ZBTB44: variants seen among roughly 807,000 people sequenced by gnomAD.
The protein encoded by ZBTB44 is zinc finger and BTB domain containing 44.
A neutral mutation model predicts 54.0 loss-of-function variants in ZBTB44; 15 were observed. That is an observed-to-expected ratio of 0.28 (90% confidence interval 0.19 to 0.43). ZBTB44 has a LOEUF of 0.43. Ranked by LOEUF, ZBTB44 falls within the 20% of genes least tolerant of loss-of-function variation. ZBTB44 has a pLI of 1.00. For synonymous variants in ZBTB44, 230 were observed against 250.1 expected (o/e 0.92, Z 0.76); for missense variants, 487 against 707.1 (o/e 0.69, Z 3.53).
At position 130,234,217 on chromosome 11, in the gene ZBTB44, T is replaced by C. The variant is rs536969068; in HGVS notation, c.1625A>G (p.Tyr542Cys). The C allele has an allele frequency of 6.5e-7, 1 of 1,527,986 alleles. No homozygotes were observed. Among genetic ancestry groups the C allele is most frequent in the African/African-American group, 1.4e-5 (1 of 71,608 alleles). 94.7% of individuals were successfully genotyped at this position (1,527,986 alleles called of 1,614,324 possible). A position where few individuals can be genotyped will look rare whatever the true frequency, so the allele number is the denominator to read the frequency against. Reference protein sequence around the residue: ...NQEQEETLVQYDLGEHGFESN... With the variant: ...NQEQEETLVQCDLGEHGFESN... ...TTCAAAACCGTGTTCTCCAAGATCA[T>C]ATTGAACAAGGGTCTCTTCTTGTTC... The change falls in exon 6 of 8, where the codon TAT becomes TGT. Residue 542 changes from tyrosine (Y) to cysteine (C), a missense_variant. Around this residue, in one of 3 missense-constraint regions of ZBTB44, gnomAD observed 120 missense variants for 240.3 expected, o/e 0.50. Coordinates refer to ENST00000357899, the MANE Select transcript of ZBTB44 (RefSeq NM_001301098.2).
Position 130,261,700 on chromosome 11 carries a change from G to C in ZBTB44, c.174C>G (p.Thr58=), listed in dbSNP as rs368154096. The change falls in exon 2 of 8, where the codon ACC becomes ACG. Residue 58 remains threonine (T), a synonymous_variant. Transcript: ENST00000357899. This position sits in a 1 kb window ranked among gnomAD's most constrained non-coding sequence, Gnocchi z 4.8. ...VLAACSDFFR[T]KLVGQAEDEN... is the part of the protein sequence containing the mutation. ...CATCCTCGGCTTGGCCTACAAGTTT[G>C]GTGCGAAAGAAATCACTGCAAGCTG... 3.7e-5 allele frequency: 60 copies of C among 1,613,992 alleles called. No individual in the cohort carries two copies. The African/African-American group carries it at 6.4e-4, about 17-fold the overall frequency.
In ZBTB44 at chr11:130,294,763, G is replaced by A. The variant is rs116578626; in HGVS notation, c.-57+19612C>T. ...CGGTAGGCAAAACAGGTTAATCAGA[G>A]TACTTAAGGGATATCTGCTATTCAC... On this transcript the variant is annotated intron_variant, in intron 1 of 7. Coordinates refer to ENST00000357899, the MANE Select transcript of ZBTB44 (RefSeq NM_001301098.2). Among the ~76,000 whole-genome samples, 1,339 of 152,192 alleles carry A rather than the reference G, an allele frequency of 8.8e-3. 18 individuals carry two copies. The highest frequency in any genetic ancestry group is 0.031 in the African/African-American group (1,293 of 41,520).
intron 1 of ZBTB44, chr11:130,295,838 C>A: frequency 7.2e-7 from 1 of 1,383,870 alleles, no homozygotes; most frequent in Non-Finnish European, 1.0e-6. Flanking sequence ...AGAGAATTAG[C>A]CATGCAAATT....
intron 5 of ZBTB44, chr11:130,236,073 C>A: frequency 8.3e-7 from 1 of 1,208,820 alleles, no homozygotes; most frequent in Non-Finnish European, 1.1e-6. Context: ...AGTTTTATAT[C>A]TAGAGAAGGC....
At chr11:130,258,485 T>A (rs929709646) in intron 2 of ZBTB44, among the ~76,000 whole-genome samples, 4 of 152,156 alleles carry the variant, frequency 2.6e-5, no homozygotes, top group Admixed American at 2.6e-4. Flanking sequence ...CATGTTTTTG[T>A]TTTTATCCCT....
Position 130,228,687 on chromosome 11 carries a change from T to C in ZBTB44, c.*3077A>G, listed in dbSNP as rs977787931. 3 of 152,162 alleles carry C rather than the reference T, an allele frequency of 2.0e-5. No individual in the cohort carries two copies. The highest frequency in any genetic ancestry group is 7.2e-5 in the African/African-American group (3 of 41,444). 9.4% of individuals were successfully genotyped at this position (152,162 alleles called of 1,614,324 possible). A position where few individuals can be genotyped will look rare whatever the true frequency, so the allele number is the denominator to read the frequency against. ...TGTACTTTGGTAACCTCAACATTCA[T>C]TTATGGGATGATTTTTCATCTGTTT... is the stretch of plus-strand genomic sequence containing the variant. On this transcript the variant is annotated 3_prime_UTR_variant, in exon 8 of 8. Coordinates refer to ENST00000357899, the MANE Select transcript of ZBTB44 (RefSeq NM_001301098.2).
chr11:130,283,626 T>C (rs1011211906), intron 1 of ZBTB44, among the ~76,000 whole-genome samples: 3 of 152,144 alleles, frequency 2.0e-5, no homozygotes, highest in Admixed American at 2.0e-4. Flanking sequence ...AAATTAAGCT[T>C]TATTCGACAA....
rs959998964 is a variant in ZBTB44, at chr11:130,231,321, C to T, written c.*443G>A. ...GTACCCTCACTGAAATAGAAAAAGG[C>T]CTTTATTTGTATCATTTTATGTTAA... is the stretch of plus-strand genomic sequence containing the variant. On this transcript the variant is annotated 3_prime_UTR_variant, in exon 8 of 8. Transcript: ENST00000357899. The T allele has an allele frequency of 6.6e-6, 1 of 151,908 alleles. No individual in the cohort carries two copies. The highest frequency in any genetic ancestry group is 2.4e-5 in the African/African-American group (1 of 41,366). The allele number at this position is 151,908 out of a possible 1,614,324, so 9.4% of individuals were successfully genotyped here.
chr11:130,266,093 G>A (rs1327642590), intron 1 of ZBTB44, among the ~76,000 whole-genome samples: 1 of 152,212 alleles, frequency 6.6e-6, no homozygotes, highest in African/African-American at 2.4e-5. Context: ...AGGACGGGAT[G>A]CCTCTCTTGT....
In ZBTB44 at chr11:130,276,242, A is replaced by AAAAAAAAAAAAAAAAAAAAAAAAAG. The variant is rs59112840; in HGVS notation, c.-56-14314_-56-14313insCTTTTTTTTTTTTTTTTTTTTTTTT. On this transcript the variant is annotated intron_variant, in intron 1 of 7. Coordinates refer to ENST00000357899, the MANE Select transcript of ZBTB44 (RefSeq NM_001301098.2). Reference sequence around the variant, plus strand: ...CGTGAAACTCTGTCTCAAAAAAAAAAAAAAGAAAAAAGAAATCAGAGGTTT... The same window carrying AAAAAAAAAAAAAAAAAAAAAAAAAG: ...CGTGAAACTCTGTCTCAAAAAAAAAAAAAAAAAAAAAAAAAAAAAAAAAAGAAAAGAAAAAAGAAATCAGAGGTTT... 4.7e-4 allele frequency among the ~76,000 whole-genome samples: 44 copies of AAAAAAAAAAAAAAAAAAAAAAAAAG among 94,420 alleles called. 1 individual carries two copies. The highest frequency in any genetic ancestry group is 1.4e-3 in the African/African-American group (38 of 27,420). The allele number at this position is 94,420 out of a possible 152,430, so 61.9% of individuals were successfully genotyped here. A position where few individuals can be genotyped will look rare whatever the true frequency, so the allele number is the denominator to read the frequency against.
rs756937241 is a variant in ZBTB44, at chr11:130,238,420, C to T, written c.1267+24G>A. On this transcript the variant is annotated intron_variant, in intron 4 of 7. Transcript: ENST00000357899. ...AAATGTTTTAGAGCGTTCACTTACG[C>T]ACCAACAGGGAAGGTGACATTACCT... 4 of 1,592,470 alleles carry T rather than the reference C, an allele frequency of 2.5e-6. No individual in the cohort carries two copies. In the South Asian group the frequency reaches 4.6e-5, roughly 18 times the overall value.
At position 130,228,635 on chromosome 11, in the gene ZBTB44, G is replaced by A. The variant is rs914049979; in HGVS notation, c.*3129C>T. On this transcript the variant is annotated 3_prime_UTR_variant, in exon 8 of 8. Coordinates refer to ENST00000357899, the MANE Select transcript of ZBTB44 (RefSeq NM_001301098.2). ...AGATGACAGGGCTCCCTTAAAGCAG[G>A]AAGATTTATCCTTCCTCAGCAGGTG... is the stretch of plus-strand genomic sequence containing the variant. 1 of 152,160 alleles carries A rather than the reference G, an allele frequency of 6.6e-6. No individual in the cohort carries two copies. Among genetic ancestry groups the A allele is most frequent in the Non-Finnish European group, 1.5e-5 (1 of 68,032 alleles). The allele number at this position is 152,160 out of a possible 1,614,324, so 9.4% of individuals were successfully genotyped here.
In ZBTB44 at chr11:130,309,541, C is replaced by A. The variant is rs538538181; in HGVS notation, c.-57+4834G>T. Among the ~76,000 whole-genome samples, 3 of 152,296 alleles carry A rather than the reference C, an allele frequency of 2.0e-5. No individual in the cohort carries two copies. In the South Asian group the frequency reaches 6.2e-4, roughly 32 times the overall value. On this transcript the variant is annotated intron_variant, in intron 1 of 7. Transcript: ENST00000357899. The stretch of plus-strand genomic sequence containing the variant: ...CTCCACTGATCACATATCCAAATGC[C>A]TTTTTATCTGTACATAGCATATTTA...
Position 130,226,707 on chromosome 11 carries a change from T to C in ZBTB44, c.*5057A>G, listed in dbSNP as rs1261666707. ...TTCCATAAAGCATAAGATATTTTAA[T>C]GAGAAAACGAAAACAAAATCAAACC... is the stretch of plus-strand genomic sequence containing the variant. On this transcript the variant is annotated 3_prime_UTR_variant, in exon 8 of 8. Transcript: ENST00000357899. The C allele has an allele frequency of 6.6e-6, 1 of 152,196 alleles. No homozygotes were observed. The highest frequency in any genetic ancestry group is 2.4e-5 in the African/African-American group (1 of 41,454). The allele number at this position is 152,196 out of a possible 1,614,324, so 9.4% of individuals were successfully genotyped here. A position where few individuals can be genotyped will look rare whatever the true frequency, so the allele number is the denominator to read the frequency against.
chr11:130,259,570 T>G (rs1030927903), intron 2 of ZBTB44, among the ~76,000 whole-genome samples: 1 of 152,088 alleles, frequency 6.6e-6, no homozygotes, highest in Non-Finnish European at 1.5e-5. Context: ...CTGTCAATAA[T>G]AGATTGGATA....
rs1432050906 is a variant in ZBTB44 at position 130,295,926 on chromosome 11, T to C, written c.-57+18449A>G. 41 of 1,521,344 alleles carry C rather than the reference T, an allele frequency of 2.7e-5. No homozygotes were observed. In the Admixed American group the frequency reaches 6.5e-4, roughly 24 times the overall value. 94.2% of individuals were successfully genotyped at this position (1,521,344 alleles called of 1,614,324 possible). On this transcript the variant is annotated intron_variant, in intron 1 of 7. Coordinates refer to ENST00000357899, the MANE Select transcript of ZBTB44 (RefSeq NM_001301098.2). ...TAATGGGTGGCAGTAACGGATCTGC[T>C]GAAGCACAGAAACTTGCTAATGGGA...
rs1257316227 is a variant in ZBTB44, at chr11:130,244,667, G to GGGAAA, written c.1019-4772_1019-4771insTTTCC. 5.8e-4 allele frequency among the ~76,000 whole-genome samples: 61 copies of GGGAAA among 104,802 alleles called. 1 individual carries two copies. Among genetic ancestry groups the GGGAAA allele is most frequent in the African/African-American group, 2.0e-3 (61 of 30,686 alleles). 68.8% of individuals were successfully genotyped at this position (104,802 alleles called of 152,430 possible). A position where few individuals can be genotyped will look rare whatever the true frequency, so the allele number is the denominator to read the frequency against. On this transcript the variant is annotated intron_variant, in intron 2 of 7. Coordinates refer to ENST00000357899, the MANE Select transcript of ZBTB44 (RefSeq NM_001301098.2). Reference sequence around the variant, plus strand: ...GGGCGACAGAGAGAGACTCTGTCTGGAAAAAAAAAAAAAAAAAAAGAAAGA... The same window carrying GGGAAA: ...GGGCGACAGAGAGAGACTCTGTCTGGGGAAAAAAAAAAAAAAAAAAAAAAGAAAGA...
At chr11:130,259,836 G>A (rs1938723795) in intron 2 of ZBTB44, among the ~76,000 whole-genome samples, 1 of 151,968 alleles carries the variant, frequency 6.6e-6, no homozygotes, top group Admixed American at 6.6e-5. Context: ...ATAGCATTAG[G>A]ATAAATACGT....
intron 1 of ZBTB44, among the ~76,000 whole-genome samples, chr11:130,274,197 CTAA>C (rs1939885330): frequency 6.6e-6 from 1 of 152,138 alleles, no homozygotes; most frequent in Admixed American, 6.6e-5. Flanking sequence ...CCAAAATGCT[CTAA>C]TGAGGATTTT....
Sources: gnomAD v4.1 joint callset for allele counts (sites outside exome capture counted in the v4.1 genomes callset) on GRCh38, gnomAD v4.1.1 for gene constraint, gnomAD v4.1.1 regional missense constraint, Gnocchi (gnomAD v3.1) non-coding constraint, MANE v1.5 for transcripts, NCBI Gene and HGNC (gene_info 2026-07-23, HGNC 2026-07-21) for gene names.